Variants in CREB5 observed in about 807,000 individuals in gnomAD.
CREB5 encodes cyclic AMP-responsive element-binding protein 5.
CREB5 carries 19 observed loss-of-function variants against 57.1 expected under a neutral mutation model. That is an observed-to-expected ratio of 0.33 (90% confidence interval 0.23 to 0.49). The LOEUF is 0.49. Ranked by LOEUF, CREB5 falls within the 20% of genes least tolerant of loss-of-function variation. CREB5 has a pLI of 0.99. For synonymous variants in CREB5, 238 were observed against 238.3 expected, an observed-to-expected ratio of 1.00 and a Z score of 0.01; for missense variants, 579 against 671.6, an observed-to-expected ratio of 0.86 and a Z score of 1.52.
intron 1 of CREB5, among the ~76,000 whole-genome samples, chr7:28,444,888 C>G (rs1182849503): frequency 6.6e-6 from 1 of 152,186 alleles, no homozygotes; most frequent in Non-Finnish European, 1.5e-5. Flanking sequence ...TCATGAGTTT[C>G]TTCCTAATCT....
chr7:28,602,980 A>C (rs1796980587), intron 5 of CREB5, among the ~76,000 whole-genome samples: 1 of 152,204 alleles, frequency 6.6e-6, no homozygotes, highest in South Asian at 2.1e-4. Context: ...TGAGGGGAAC[A>C]CCCAACCTCC....
intron 5 of CREB5, among the ~76,000 whole-genome samples, chr7:28,704,480 CT>C (rs919555124): frequency 2.2e-4 from 32 of 147,282 alleles, no homozygotes; most frequent in Non-Finnish European, 2.7e-4. Flanking sequence ...GGATCTCTCA[CT>C]TTTTTTTTTT....
intron 7 of CREB5, among the ~76,000 whole-genome samples, chr7:28,752,892 A>ATT (rs36000233): frequency 6.2e-5 from 9 of 144,560 alleles, no homozygotes; most frequent in East Asian, 2.0e-4. Flanking sequence ...TTCTAAAGGG[A>ATT]TTTTTTTTTT....
intron 4 of CREB5, among the ~76,000 whole-genome samples, chr7:28,549,429 A>G (rs1249738251): frequency 6.6e-6 from 1 of 152,224 alleles, no homozygotes; most frequent in African/African-American, 2.4e-5. Flanking sequence ...CAAATCTGTC[A>G]AATTTACAAA....
At chr7:28,407,485 G>A (rs990664501) in intron 1 of CREB5, among the ~76,000 whole-genome samples, 1 of 151,784 alleles carries the variant, frequency 6.6e-6, no homozygotes, top group Non-Finnish European at 1.5e-5. Flanking sequence ...AATTCAGGCA[G>A]GCTGACACTA....
chr7:28,530,876 A>G (rs975929420), intron 4 of CREB5, among the ~76,000 whole-genome samples: 12 of 152,332 alleles, frequency 7.9e-5, no homozygotes, highest in Non-Finnish European at 1.3e-4. Flanking sequence ...GGCCTTATTA[A>G]GACAAGATCT....
intron 5 of CREB5, among the ~76,000 whole-genome samples, chr7:28,635,823 C>G (rs1005839312): frequency 3.9e-5 from 6 of 152,182 alleles, no homozygotes; most frequent in African/African-American, 7.2e-5. Context: ...TTGGCATATG[C>G]CAGTTGATAT....
At chr7:28,486,984 A>G (rs972912146) in intron 1 of CREB5, among the ~76,000 whole-genome samples, 4 of 152,024 alleles carry the variant, frequency 2.6e-5, no homozygotes, top group East Asian at 3.9e-4. Flanking sequence ...CTGAACTGCT[A>G]CATAAGAAAA....
chr7:28,401,417 T>A (rs1432276248), intron 1 of CREB5, among the ~76,000 whole-genome samples: 1 of 151,948 alleles, frequency 6.6e-6, no homozygotes, highest in Non-Finnish European at 1.5e-5. Flanking sequence ...TTTTTTTAAT[T>A]TTTTATTTTT....
intron 5 of CREB5, among the ~76,000 whole-genome samples, chr7:28,571,632 G>A (rs573208427): frequency 2.6e-5 from 4 of 152,140 alleles, no homozygotes; most frequent in Admixed American, 6.5e-5. Flanking sequence ...CTAGCCCCTC[G>A]CAATGTGCCA....
Position 28,564,728 on chromosome 7 carries a change from G to A in CREB5, c.292-5637G>A, listed in dbSNP as rs367751812. On this transcript the variant is annotated intron_variant, in intron 4 of 10. Coordinates refer to ENST00000357727, the MANE Select transcript of CREB5 (RefSeq NM_182898.4). ...TGTTTAAAGTGGAGCTTTCATCTTT[G>A]GTGGTTGGGAGATTGTACTTTTTGT... is the stretch of plus-strand genomic sequence containing the variant. Among the ~76,000 whole-genome samples the A allele has an allele frequency of 5.9e-5, 9 of 152,298 alleles. No individual in the cohort carries two copies. The South Asian group carries it at 1.2e-3, about 21-fold the overall frequency.
At position 28,821,921 on chromosome 7, in the gene CREB5, T is replaced by C. The variant is rs1809791999; in HGVS notation, c.*2642T>C. The C allele has an allele frequency of 6.5e-6, 1 of 152,688 alleles. No individual in the cohort carries two copies. Among genetic ancestry groups the C allele is most frequent in the African/African-American group, 2.4e-5 (1 of 41,472 alleles). The allele number at this position is 152,688 out of a possible 1,614,324, so 9.5% of individuals were successfully genotyped here. On this transcript the variant is annotated 3_prime_UTR_variant, in exon 11 of 11. Transcript: ENST00000357727. ...AAAAAATCCACTAGTAATATCAGAA[T>C]GTCCAGGGAGTGACTGTCACTACAA...
chr7:28,640,401 A>G (rs1030446484), intron 5 of CREB5, among the ~76,000 whole-genome samples: 1 of 152,228 alleles, frequency 6.6e-6, no homozygotes, highest in Non-Finnish European at 1.5e-5. Flanking sequence ...AACATCTTTC[A>G]AAAACCAACA....
At chr7:28,804,864 A>C (rs867366098) in intron 8 of CREB5, among the ~76,000 whole-genome samples, 1 of 152,252 alleles carries the variant, frequency 6.6e-6, no homozygotes, top group African/African-American at 2.4e-5. Flanking sequence ...TTGTGAAGAA[A>C]GATGTGAATT....
intron 1 of CREB5, among the ~76,000 whole-genome samples, chr7:28,421,663 G>A (rs1271453895): frequency 6.6e-6 from 1 of 151,816 alleles, no homozygotes; most frequent in Admixed American, 6.6e-5. Context: ...CCTGTGTGTA[G>A]AAAGCTGTAT....
chr7:28,682,258 C>T (rs1800632362), intron 5 of CREB5, among the ~76,000 whole-genome samples: 1 of 152,184 alleles, frequency 6.6e-6, no homozygotes, highest in South Asian at 2.1e-4. Context: ...GCCAGTGAAT[C>T]CTGCCTGCAC....
rs761762944 is a variant in CREB5, at chr7:28,804,180, C to T, written c.703-19C>T. 1.6e-5 allele frequency: 25 copies of T among 1,603,662 alleles called. 3 individuals are homozygous for T. The South Asian group carries it at 2.6e-4, about 17-fold the overall frequency. On this transcript the variant is annotated intron_variant, in intron 7 of 10. Transcript: ENST00000357727. ...ACTGACTTCAGTTGTTCTCTCTCCT[C>T]CCTTTTGTTCTGTTTCAGAGGTTGA...
At chr7:28,338,231 G>T (rs944904174) in intron 1 of CREB5, among the ~76,000 whole-genome samples, 27 of 152,212 alleles carry the variant, frequency 1.8e-4, no homozygotes, top group Middle Eastern at 3.4e-3. Context: ...ACCTTCAGAT[G>T]ATTTCTTATT....
intron 1 of CREB5, among the ~76,000 whole-genome samples, chr7:28,321,345 T>G (rs1785492332): frequency 6.6e-6 from 1 of 152,176 alleles, no homozygotes; most frequent in African/African-American, 2.4e-5. Context: ...GCTGGCTATA[T>G]AATTTGTCGA....
Sources: gnomAD v4.1 joint callset for allele counts (sites outside exome capture counted in the v4.1 genomes callset) on GRCh38, gnomAD v4.1.1 for gene constraint, MANE v1.5 for transcripts, NCBI Gene and HGNC (gene_info 2026-07-23, HGNC 2026-07-21) for gene names.